Variants in SMURF1 observed in about 807,000 individuals in gnomAD.
SMURF1 encodes E3 ubiquitin-protein ligase SMURF1.
In SMURF1, 44 loss-of-function variants were observed where a neutral mutation model predicts 98.0. The ratio of observed to expected loss-of-function variants is 0.45; its 90% CI spans 0.35 to 0.58. The LOEUF (loss-of-function observed/expected upper bound fraction) is 0.58. Ranked by LOEUF, SMURF1 falls within the 20% of genes least tolerant of loss-of-function variation. The pLI is 0.00. For missense variants in SMURF1, 687 were observed against 938.4 expected, an observed-to-expected ratio of 0.73 and a Z score of 3.50; for synonymous variants, 396 against 374.9, an observed-to-expected ratio of 1.06 and a Z score of -0.65.
chr7:99,060,378 CAAAAAAAAAAA>C (rs11340949), intron 3 of SMURF1, among the ~76,000 whole-genome samples: 10 of 92,500 alleles, frequency 1.1e-4, no homozygotes, highest in East Asian at 3.3e-4. Context: ...GACTCCGTCT[CAAAAAAAAAAA>C]AAAAAAAAGA....
intron 14 of SMURF1, 119 bp from the exon 15 acceptor site, chr7:99,037,306 C>T: frequency 8.0e-7 from 1 of 1,249,882 alleles, no homozygotes; most frequent in South Asian, 1.3e-5. Context: ...GGCTCAATCT[C>T]GGCTCACTGC....
chr7:99,045,641 T>C (rs1244494586), intron 11 of SMURF1, 57 bp downstream of exon 11: 1 of 1,428,516 alleles, frequency 7.0e-7, no homozygotes, highest in Non-Finnish European at 9.8e-7. Flanking sequence ...GCAAATGACT[T>C]CTCTTGAAAA....
At chr7:99,051,487 G>A in intron 7 of SMURF1, 46 bp from the exon 8 acceptor site, 1 of 1,507,540 alleles carries the variant, frequency 6.6e-7, no homozygotes, top group Non-Finnish European at 9.2e-7. Flanking sequence ...TCAATTCCAG[G>A]GAGAGTTTGT....
At chr7:99,078,707 G>C (rs1434614035) in intron 1 of SMURF1, among the ~76,000 whole-genome samples, 1 of 152,158 alleles carries the variant, frequency 6.6e-6, no homozygotes, top group East Asian at 1.9e-4. Flanking sequence ...GCATGCGAGG[G>C]GTCTAGGTTG....
intron 1 of SMURF1, among the ~76,000 whole-genome samples, chr7:99,132,491 T>C (rs1034099114): frequency 6.6e-6 from 1 of 151,960 alleles, no homozygotes; most frequent in Admixed American, 6.6e-5. Context: ...GATGGGAGAA[T>C]AACCAAACAA....
chr7:99,037,339 G>T, intron 14 of SMURF1, 152 bp from the exon 15 acceptor site: 1 of 929,322 alleles, frequency 1.1e-6, no homozygotes, highest in East Asian at 2.5e-5. Context: ...CTGGGTTCAA[G>T]CAATTCTTCT....
intron 16 of SMURF1, among the ~76,000 whole-genome samples, chr7:99,033,439 G>A (rs1403056509): frequency 6.6e-6 from 1 of 152,178 alleles, no homozygotes; most frequent in Non-Finnish European, 1.5e-5. Flanking sequence ...CGAGTAGCTG[G>A]GATAACAGGT....
chr7:99,117,045 A>AT (rs1797472915), intron 1 of SMURF1, among the ~76,000 whole-genome samples: 1 of 151,472 alleles, frequency 6.6e-6, no homozygotes, highest in African/African-American at 2.4e-5. Context: ...AAAGCCATAT[A>AT]TTTACAGTCA....
chr7:99,038,072 C>T (rs1455305702), intron 14 of SMURF1, among the ~76,000 whole-genome samples: 1 of 152,074 alleles, frequency 6.6e-6, no homozygotes, highest in African/African-American at 2.4e-5. Flanking sequence ...GGACTGAGCA[C>T]GAGAGACCCT....
At chr7:99,032,889 C>G in intron 17 of SMURF1, 148 bp downstream of exon 17, 1 of 983,422 alleles carries the variant, frequency 1.0e-6, no homozygotes, top group South Asian at 1.6e-5. Flanking sequence ...CTCCTTCTGT[C>G]TCAGGTGCTG....
intron 1 of SMURF1, among the ~76,000 whole-genome samples, chr7:99,096,366 G>A (rs549578105): frequency 3.3e-5 from 5 of 152,260 alleles, no homozygotes; most frequent in African/African-American, 1.2e-4. Flanking sequence ...ATTCTCCACA[G>A]TATTTACACA....
chr7:99,075,327 G>C (rs1302315325), intron 1 of SMURF1, among the ~76,000 whole-genome samples: 1 of 152,108 alleles, frequency 6.6e-6, no homozygotes, highest in African/African-American at 2.4e-5. Flanking sequence ...TCAGTCTGTT[G>C]CTCAGGCTGG....
chr7:99,125,110 A>T (rs1378223512), intron 1 of SMURF1, among the ~76,000 whole-genome samples: 1 of 151,890 alleles, frequency 6.6e-6, no homozygotes, highest in East Asian at 1.9e-4. Context: ...ACAGGGTCTT[A>T]CTCTGTTGTC....
At chr7:99,121,779 T>C (rs1048211448) in intron 1 of SMURF1, among the ~76,000 whole-genome samples, 1 of 152,172 alleles carries the variant, frequency 6.6e-6, no homozygotes, top group Non-Finnish European at 1.5e-5. Flanking sequence ...TGCTGAGAGA[T>C]AAAATCATAG....
chr7:99,133,295 C>G (rs1377571696), intron 1 of SMURF1, among the ~76,000 whole-genome samples: 2 of 151,720 alleles, frequency 1.3e-5, no homozygotes, highest in Non-Finnish European at 2.9e-5. Context: ...ATACAAAACA[C>G]TAAAATTGGG....
At chr7:99,120,364 A>G (rs1185912242) in intron 1 of SMURF1, among the ~76,000 whole-genome samples, 1 of 152,140 alleles carries the variant, frequency 6.6e-6, no homozygotes, top group African/African-American at 2.4e-5. Context: ...TACAGGCATC[A>G]GACAAAAAGA....
chr7:99,080,946 T>G (rs1796565968), intron 1 of SMURF1: 1 of 152,248 alleles, frequency 6.6e-6, no homozygotes, highest in Non-Finnish European at 1.5e-5. Flanking sequence ...GTAAGAGATC[T>G]CCAAGCCTCA....
At chr7:99,106,866 G>C (rs765945539) in intron 1 of SMURF1, among the ~76,000 whole-genome samples, 1 of 152,116 alleles carries the variant, frequency 6.6e-6, no homozygotes, top group Non-Finnish European at 1.5e-5. Context: ...TGCTTGTTTC[G>C]TTAGCAGCTC....
rs116371404 is a variant in SMURF1 at position 99,073,910 on chromosome 7, T to C, written c.56-12073A>G. Among the ~76,000 whole-genome samples the C allele has an allele frequency of 4.8e-3, 737 of 152,338 alleles. 7 individuals carry two copies. Among genetic ancestry groups the C allele is most frequent in the African/African-American group, 0.017 (687 of 41,576 alleles). On this transcript the variant is annotated intron_variant, in intron 1 of 17. Coordinates refer to ENST00000361368, the MANE Select transcript of SMURF1 (RefSeq NM_181349.3). ...TTCCTAATAGTTCTTTTATTGATTG[T>C]ACTGTTTGATTGTACTCAGTTTTGG...
Sources: gnomAD v4.1 joint callset for allele counts (sites outside exome capture counted in the v4.1 genomes callset) on GRCh38, gnomAD v4.1.1 for gene constraint, MANE v1.5 for transcripts, NCBI Gene and HGNC (gene_info 2026-07-23, HGNC 2026-07-21) for gene names.